SLC36A3: variants seen among roughly 807,000 people sequenced by gnomAD.
SLC36A3 encodes proton-coupled amino acid transporter 3.
In SLC36A3, 35 loss-of-function variants were observed where a neutral mutation model predicts 44.3. The observed-to-expected ratio is 0.79, with a 90% CI of 0.60 to 1.05. The LOEUF is 1.05. Ranked by LOEUF, SLC36A3 falls within the 50% of genes least tolerant of loss-of-function variation. SLC36A3 has a pLI of 0.00. For missense variants in SLC36A3, 540 were observed against 578.7 expected (o/e 0.93, Z 0.69); for synonymous variants, 211 against 227.6 (o/e 0.93, Z 0.66).
At chr5:151,296,997 C>T (rs1253101837) in intron 2 of SLC36A3, 1 of 152,232 alleles carries the variant, frequency 6.6e-6, no homozygotes, top group East Asian at 1.9e-4. Context: ...GGGACCCTCT[C>T]ACATCCTTTG....
At chr5:151,277,802 G>T in intron 9 of SLC36A3, 141 bp from the exon 10 acceptor site, 1 of 924,150 alleles carries the variant, frequency 1.1e-6, no homozygotes, top group Non-Finnish European at 1.6e-6. Context: ...GGGAGGTCAG[G>T]CAACTCCCAC....
At chr5:151,299,692 G>C (rs1755107205) in intron 1 of SLC36A3, among the ~76,000 whole-genome samples, 1 of 152,172 alleles carries the variant, frequency 6.6e-6, no homozygotes, top group African/African-American at 2.4e-5. Flanking sequence ...TTAATTCTGA[G>C]TTCCAGCTCT....
intron 3 of SLC36A3, among the ~76,000 whole-genome samples, chr5:151,294,723 G>A (rs921803453): frequency 1.3e-5 from 2 of 151,720 alleles, no homozygotes; most frequent in Admixed American, 6.6e-5. Flanking sequence ...TCCGCCTCCC[G>A]GGTTCAAGCG....
intron 3 of SLC36A3, among the ~76,000 whole-genome samples, chr5:151,294,055 G>A (rs997233065): frequency 6.6e-6 from 1 of 152,196 alleles, no homozygotes; most frequent in Non-Finnish European, 1.5e-5. Context: ...CTGGAAGCAC[G>A]GCATAAATTG....
chr5:151,283,656 C>T (rs1754412103), intron 8 of SLC36A3, among the ~76,000 whole-genome samples: 2 of 152,192 alleles, frequency 1.3e-5, no homozygotes, highest in African/African-American at 4.8e-5. Flanking sequence ...TCCTACTCAC[C>T]TTGGAAAAAT....
Position 151,277,481 on chromosome 5 carries a change from C to T in SLC36A3, c.1325G>A (p.Gly442Glu), listed in dbSNP as rs1378513236. 3.1e-6 allele frequency: 5 copies of T among 1,614,068 alleles called. No homozygotes were observed. The highest frequency in any genetic ancestry group is 4.2e-6 in the Non-Finnish European group (5 of 1,180,002). ...DIMISIVGLL[G>E]CIFGTYQALY... ...GGCTTGGTATGTCCCAAATATACACCCTAAAAGGCCCACGATGCTAATCAT... is the reference window on the plus strand; with the variant it reads ...GGCTTGGTATGTCCCAAATATACACTCTAAAAGGCCCACGATGCTAATCAT... The change falls in exon 10 of 10, where the codon GGG becomes GAG. Residue 442 changes from glycine (G) to glutamate (E), a missense_variant. Transcript: ENST00000335230.
At chr5:151,285,801 G>A (rs769996749) in intron 6 of SLC36A3, among the ~76,000 whole-genome samples, 1 of 152,210 alleles carries the variant, frequency 6.6e-6, no homozygotes, top group East Asian at 1.9e-4. Context: ...CTTGGCTTGA[G>A]GCTGCTAGCT....
chr5:151,283,611 C>T (rs963737350), intron 8 of SLC36A3, among the ~76,000 whole-genome samples: 2 of 152,222 alleles, frequency 1.3e-5, no homozygotes, highest in Non-Finnish European at 2.9e-5. Flanking sequence ...TCTCATTCTA[C>T]AGCTCTGGAT....
chr5:151,294,029 G>A (rs531640639), intron 3 of SLC36A3, among the ~76,000 whole-genome samples: 1 of 152,346 alleles, frequency 6.6e-6, no homozygotes, highest in South Asian at 2.1e-4. Flanking sequence ...GGAAACAGCA[G>A]CAGGTTGCCC....
chr5:151,302,041 C>T (rs190886105), intron 1 of SLC36A3, among the ~76,000 whole-genome samples: 1 of 152,270 alleles, frequency 6.6e-6, no homozygotes, highest in Admixed American at 6.5e-5. Flanking sequence ...ACGCAATAAT[C>T]CAAATCCTTA....
At chr5:151,299,954 T>C (rs1453582999) in intron 1 of SLC36A3, among the ~76,000 whole-genome samples, 1 of 152,204 alleles carries the variant, frequency 6.6e-6, no homozygotes, top group Non-Finnish European at 1.5e-5. Flanking sequence ...GCCTTCATGG[T>C]GCTCATTTGT....
chr5:151,292,694 A>T (rs925740202), intron 4 of SLC36A3, among the ~76,000 whole-genome samples: 2 of 152,100 alleles, frequency 1.3e-5, no homozygotes, highest in Non-Finnish European at 2.9e-5. Flanking sequence ...TTAAAAAATA[A>T]TGAGGTAGGC....
rs1186505131 is a variant in SLC36A3, at chr5:151,287,911, C to T, written c.490-447G>A. Among the ~76,000 whole-genome samples, 6 of 152,170 alleles carry T rather than the reference C, an allele frequency of 3.9e-5. No individual in the cohort carries two copies. The East Asian group carries it at 1.2e-3, about 29-fold the overall frequency. ...CTGCTTGAATATTCCGTCTACAATA[C>T]TTGTCACAGTTCTTTCTGGCTGTTT... On this transcript the variant is annotated intron_variant, in intron 5 of 9. Coordinates refer to ENST00000335230, the MANE Select transcript of SLC36A3 (RefSeq NM_181774.4).
At chr5:151,299,264 C>CTCTCTCTATATATATATATA (rs1372309288) in intron 1 of SLC36A3, among the ~76,000 whole-genome samples, 21 of 59,634 alleles carry the variant, frequency 3.5e-4, no homozygotes, top group Non-Finnish European at 5.6e-4. Flanking sequence ...CTCTCTCTCT[C>CTCTCTCTATATATATATATA]TATATATATA....
intron 1 of SLC36A3, among the ~76,000 whole-genome samples, chr5:151,299,264 C>CTCTCTCTCTCTATATATATA (rs1372309288): frequency 8.7e-4 from 52 of 59,634 alleles, no homozygotes; most frequent in South Asian, 1.5e-3. Context: ...CTCTCTCTCT[C>CTCTCTCTCTCTATATATATA]TATATATATA....
intron 4 of SLC36A3, among the ~76,000 whole-genome samples, chr5:151,291,914 G>T (rs1034636827): frequency 3.3e-5 from 5 of 152,188 alleles, no homozygotes; most frequent in African/African-American, 1.2e-4. Flanking sequence ...AGGCTGGAGT[G>T]CAATGGTGCG....
intron 4 of SLC36A3, among the ~76,000 whole-genome samples, chr5:151,289,256 A>T (rs767990602): frequency 5.3e-5 from 8 of 152,034 alleles, no homozygotes; most frequent in Non-Finnish European, 8.8e-5. Flanking sequence ...ACAAATTCAA[A>T]ATCTGCAGAT....
At chr5:151,280,423 C>T (rs891599894) in intron 9 of SLC36A3, among the ~76,000 whole-genome samples, 5 of 152,162 alleles carry the variant, frequency 3.3e-5, no homozygotes, top group Non-Finnish European at 7.3e-5. Flanking sequence ...CACTGCACTC[C>T]AGTCTGGGCA....
intron 9 of SLC36A3, among the ~76,000 whole-genome samples, chr5:151,277,930 C>T (rs1754157687): frequency 6.6e-6 from 1 of 152,138 alleles, no homozygotes; most frequent in Admixed American, 6.5e-5. Context: ...ATAACCTCCC[C>T]ACTGTAGAGA....
Sources: allele counts gnomAD v4.1 joint callset (sites outside exome capture counted in the v4.1 genomes callset), GRCh38; gene constraint gnomAD v4.1.1; transcripts MANE v1.5; gene names NCBI Gene and HGNC (gene_info 2026-07-23, HGNC 2026-07-21).